The following PTPRB variants were observed in gnomAD, a reference collection of about 807,000 sequenced individuals.
PTPRB encodes the protein receptor-type tyrosine-protein phosphatase beta.
PTPRB carries 97 observed loss-of-function variants against 238.1 expected under a neutral mutation model. The observed-to-expected ratio is 0.41, with a 90% confidence interval of 0.35 to 0.48. The LOEUF is 0.48. PTPRB is among the 20% of genes least tolerant of loss of function. PTPRB has a pLI of 0.30. For synonymous variants in PTPRB, 970 were observed against 995.4 expected (o/e 0.97, Z 0.48); for missense variants, 2,292 against 2,681.9 (o/e 0.85, Z 3.21).
intron 20 of PTPRB, among the ~76,000 whole-genome samples, chr12:70,554,299 T>G (rs1468464816): frequency 6.6e-6 from 1 of 152,214 alleles, no homozygotes; most frequent in Admixed American, 6.5e-5. Flanking sequence ...TTAGGGATGC[T>G]TAAGAAACTC....
rs1178234448 is a variant in PTPRB, at chr12:70,560,744, T to C, written c.4359A>G (p.Gly1453=). ...TTACCACCCACAGCACGTACTTCCTTCCAGGAACAAGGCCTTGAAACCGCC... is the reference window on the plus strand; with the variant it reads ...TTACCACCCACAGCACGTACTTCCTCCCAGGAACAAGGCCTTGAAACCGCC... ...TEWRFQGLVP[G]RKYVLWVVTH... is the part of the protein sequence containing the mutation. The change falls in exon 17 of 34, where the codon GGA becomes GGG. Residue 1453 remains glycine (G), a synonymous_variant. Transcript: ENST00000334414. This position sits in a 1 kb window ranked among gnomAD's most constrained non-coding sequence, Gnocchi z 4.2. 1 of 1,613,968 alleles carries C rather than the reference T, an allele frequency of 6.2e-7. No individual in the cohort carries two copies. Among genetic ancestry groups the C allele is most frequent in the East Asian group, 2.2e-5 (1 of 44,864 alleles).
At chr12:70,548,286 C>A (rs964782036) in intron 21 of PTPRB, among the ~76,000 whole-genome samples, 2 of 151,830 alleles carry the variant, frequency 1.3e-5, no homozygotes, top group South Asian at 4.2e-4. Flanking sequence ...TGAGATCACA[C>A]CACTGCACTC....
intron 18 of PTPRB, chr12:70,558,935 C>G (rs1438731296): frequency 3.4e-5 from 9 of 263,004 alleles, no homozygotes. Flanking sequence ...TTCTCTCTAC[C>G]TGGAATATTC....
chr12:70,621,976 T>G (rs1566019815), intron 3 of PTPRB, among the ~76,000 whole-genome samples: 1 of 152,210 alleles, frequency 6.6e-6, no homozygotes. Context: ...GAATCAATTA[T>G]AGTGATTCTT....
intron 7 of PTPRB, 45 bp from the exon 8 acceptor site, chr12:70,590,278 A>C: frequency 6.7e-7 from 1 of 1,495,002 alleles, no homozygotes; most frequent in Non-Finnish European, 8.9e-7. Flanking sequence ...ACAGACCAAA[A>C]GTAAGGATAC....
In PTPRB at chr12:70,555,291, G is replaced by C; in HGVS notation, c.5012C>G (p.Pro1671Arg). 6.2e-7 allele frequency: 1 copy of C among 1,612,664 alleles called. No individual in the cohort carries two copies. The highest frequency in any genetic ancestry group is 8.5e-7 in the Non-Finnish European group (1 of 1,179,596). Residue 1671 changes from proline to arginine, a missense_variant, in exon 20 of 34, where the codon CCA becomes CGA. Coordinates refer to ENST00000334414, the MANE Select transcript of PTPRB (RefSeq NM_001109754.4). ...ATCCTTTTCATTCACACGAATGTGT[G>C]GGGGTGGAGGAGGGGGGCCTGGAAA... The part of the protein sequence containing the change: ...TMIDRPPPPP[P>R]HIRVNEKDVL...
In PTPRB at chr12:70,517,282, C is replaced by T. The variant is rs922928938; in HGVS notation, c.*4207G>A. ...AAAGGGCAACATGTCCTAATAGAAA[C>T]GTGTGACAGGATTGTCCAAGCACAC... On this transcript the variant is annotated 3_prime_UTR_variant, in exon 34 of 34. Transcript: ENST00000334414. 2 of 152,174 alleles carry T rather than the reference C, an allele frequency of 1.3e-5. No individual in the cohort carries two copies. The highest frequency in any genetic ancestry group is 2.9e-5 in the Non-Finnish European group (2 of 68,026). The allele number at this position is 152,174 out of a possible 1,614,324, so 9.4% of individuals were successfully genotyped here.
intron 2 of PTPRB, among the ~76,000 whole-genome samples, chr12:70,622,924 A>T (rs1013359642): frequency 8.2e-5 from 12 of 147,020 alleles, no homozygotes; most frequent in African/African-American, 3.1e-4. Context: ...TAGAAAAGAG[A>T]ATTAAACCTA....
rs1871517171 is a variant in PTPRB, at chr12:70,520,197, A to G, written c.*1292T>C. 6.3e-6 allele frequency: 3 copies of G among 479,650 alleles called. No homozygotes were observed. Among genetic ancestry groups the G allele is most frequent in the Admixed American group, 2.2e-5 (1 of 45,634 alleles). The allele number at this position is 479,650 out of a possible 1,614,324, so 29.7% of individuals were successfully genotyped here. Reference sequence around the variant, plus strand: ...TACAAACTCCTTTCAAATTTTTCCCAGGAATGCTGTCGGAACTGGACCTTG... The same window carrying G: ...TACAAACTCCTTTCAAATTTTTCCCGGGAATGCTGTCGGAACTGGACCTTG... On this transcript the variant is annotated 3_prime_UTR_variant, in exon 34 of 34. Transcript: ENST00000334414.
At chr12:70,556,484 C>G (rs1218247448) in intron 18 of PTPRB, among the ~76,000 whole-genome samples, 1 of 152,042 alleles carries the variant, frequency 6.6e-6, no homozygotes, top group East Asian at 1.9e-4. Flanking sequence ...GCAAAGAAAA[C>G]AAAGACTGAA....
chr12:70,573,527 GAC>G (rs1880351353), intron 11 of PTPRB, among the ~76,000 whole-genome samples: 1 of 107,184 alleles, frequency 9.3e-6, no homozygotes, highest in Non-Finnish European at 1.8e-5. Flanking sequence ...TTTTTTTTGA[GAC>G]AGAATCTCAC....
At chr12:70,531,459 C>A (rs4761219) in intron 32 of PTPRB, among the ~76,000 whole-genome samples, 3 of 152,076 alleles carry the variant, frequency 2.0e-5, no homozygotes, top group African/African-American at 7.2e-5. Flanking sequence ...GAGGCTAGTA[C>A]GCTTATAGCA....
chr12:70,577,995 G>A (rs1279950809), intron 10 of PTPRB, among the ~76,000 whole-genome samples: 3 of 151,818 alleles, frequency 2.0e-5, no homozygotes, highest in Non-Finnish European at 2.9e-5. Flanking sequence ...CATTATGCTT[G>A]TTTTTAAAAA....
At chr12:70,552,533 T>G (rs1877052508) in intron 21 of PTPRB, among the ~76,000 whole-genome samples, 1 of 151,820 alleles carries the variant, frequency 6.6e-6, no homozygotes, top group Non-Finnish European at 1.5e-5. Context: ...AACAATCTAT[T>G]AAGAACCTTC....
intron 3 of PTPRB, among the ~76,000 whole-genome samples, chr12:70,617,255 A>G (rs17226465): frequency 0.072 from 10,994 of 152,316 alleles, 474 homozygotes; most frequent in Middle Eastern, 0.095. Flanking sequence ...CTATTGGCAC[A>G]TGGTAGTCCA....
At chr12:70,609,848 G>A (rs757402943) in intron 3 of PTPRB, 2 of 1,559,696 alleles carry the variant, frequency 1.3e-6, no homozygotes, top group South Asian at 2.4e-5. Flanking sequence ...AGGAGACCGA[G>A]GGGGCTGGAC....
At chr12:70,631,399 C>G (rs947403690) in intron 2 of PTPRB, among the ~76,000 whole-genome samples, 1 of 152,114 alleles carries the variant, frequency 6.6e-6, no homozygotes, top group Non-Finnish European at 1.5e-5. Context: ...AAACTGGATC[C>G]CTTCCTTACA....
At position 70,517,441 on chromosome 12, in the gene PTPRB, G is replaced by A. The variant is rs1160329715; in HGVS notation, c.*4048C>T. 6.6e-6 allele frequency: 1 copy of A among 152,088 alleles called. No homozygotes were observed. Among genetic ancestry groups the A allele is most frequent in the East Asian group, 1.9e-4 (1 of 5,198 alleles). The allele number at this position is 152,088 out of a possible 1,614,324, so 9.4% of individuals were successfully genotyped here. ...CGTTTACAGATTTTCCTTTGATAGG[G>A]AACATTCTTTGAATACCTGATGTAA... On this transcript the variant is annotated 3_prime_UTR_variant, in exon 34 of 34. Transcript: ENST00000334414.
chr12:70,522,873 T>G (rs1367117117), intron 33 of PTPRB, among the ~76,000 whole-genome samples: 1 of 147,408 alleles, frequency 6.8e-6, no homozygotes, highest in Non-Finnish European at 1.5e-5. Flanking sequence ...CTTTTTTTTT[T>G]TTTTTTTGAG....
Sources: allele counts gnomAD v4.1 joint callset (sites outside exome capture counted in the v4.1 genomes callset), GRCh38; gene constraint gnomAD v4.1.1; non-coding constraint Gnocchi (gnomAD v3.1); transcripts MANE v1.5; gene names NCBI Gene and HGNC (gene_info 2026-07-23, HGNC 2026-07-21).